DACH2: variants seen among roughly 807,000 people sequenced by gnomAD.
DACH2 encodes dachshund homolog 2.
DACH2 carries 17 observed loss-of-function variants against 35.8 expected under a neutral mutation model. That is an observed-to-expected ratio of 0.48 (90% CI 0.33 to 0.71). The LOEUF is 0.71. Among genes scored for constraint, DACH2 ranks in the 30% least tolerant of loss-of-function variants. The pLI is 0.02. For synonymous variants in DACH2, 195 were observed against 177.3 expected (o/e 1.10, Z -0.79); for missense variants, 469 against 472.7 (o/e 0.99, Z 0.07).
intron 2 of DACH2, among the ~76,000 whole-genome samples, chrX:86,461,870 T>C (rs192392747): frequency 3.0e-4 from 34 of 111,938 alleles, no homozygotes; most frequent in African/African-American, 1.1e-3. Context: ...ATCACAGGCC[T>C]AATTTGCTTT....
chrX:86,453,694 C>T (rs1274898192), intron 2 of DACH2, among the ~76,000 whole-genome samples: 6 of 110,679 alleles, frequency 5.4e-5, no homozygotes, highest in Non-Finnish European at 1.1e-4. Context: ...TTATTTTGAG[C>T]CTGTGTGTGT....
chrX:86,160,579 C>A, intron 1 of DACH2: 1 of 505,102 alleles, frequency 2.0e-6, no homozygotes, highest in South Asian at 2.7e-5. Context: ...CTGGATGGTT[C>A]AGGATGATCA....
chrX:86,175,104 G>A (rs770635883), intron 1 of DACH2, among the ~76,000 whole-genome samples: 33 of 111,847 alleles, frequency 3.0e-4, no homozygotes, highest in Non-Finnish European at 5.8e-4. Flanking sequence ...ATAGAAAAGA[G>A]TAGAGTTTCA....
intron 2 of DACH2, among the ~76,000 whole-genome samples, chrX:86,402,792 G>T (rs182770667): frequency 8.9e-6 from 1 of 111,768 alleles, no homozygotes; most frequent in African/African-American, 3.2e-5. Context: ...GTTCTTTAAG[G>T]CTACAGTAAC....
intron 2 of DACH2, among the ~76,000 whole-genome samples, chrX:86,466,957 A>G (rs2037681756): frequency 9.0e-6 from 1 of 111,502 alleles, no homozygotes; most frequent in Non-Finnish European, 1.9e-5. Flanking sequence ...TTTTCCTCCT[A>G]GGCCTCCAAG....
At chrX:86,194,872 G>A (rs987704438) in intron 1 of DACH2, among the ~76,000 whole-genome samples, 7 of 112,731 alleles carry the variant, frequency 6.2e-5, no homozygotes, top group African/African-American at 9.6e-5. Flanking sequence ...CTGTCAGAGG[G>A]GACCAGGCCG....
At chrX:86,304,285 C>T (rs953161913) in intron 1 of DACH2, 2 of 112,111 alleles carry the variant, frequency 1.8e-5, no homozygotes, top group African/African-American at 6.5e-5. Flanking sequence ...AAAAATGGGA[C>T]CCTGCTTGCC....
chrX:86,614,841 G>A (rs1218147226), intron 3 of DACH2, among the ~76,000 whole-genome samples: 1 of 111,564 alleles, frequency 9.0e-6, no homozygotes, highest in Non-Finnish European at 1.9e-5. Context: ...AGGCATTTTA[G>A]GATGGTTGAA....
At chrX:86,473,732 T>C (rs2037796037) in intron 2 of DACH2, among the ~76,000 whole-genome samples, 1 of 111,572 alleles carries the variant, frequency 9.0e-6, no homozygotes, top group Admixed American at 9.6e-5. Flanking sequence ...TAGTACTCCA[T>C]TGTGTGTAAG....
chrX:86,615,922 C>T (rs1448570050), intron 3 of DACH2, among the ~76,000 whole-genome samples: 1 of 110,694 alleles, frequency 9.0e-6, no homozygotes, highest in African/African-American at 3.3e-5. Context: ...CCTCTCCCTC[C>T]TCCCACACTC....
intron 7 of DACH2, among the ~76,000 whole-genome samples, chrX:86,804,778 G>A (rs146419092): frequency 1.2e-4 from 14 of 112,586 alleles, no homozygotes; most frequent in South Asian, 3.7e-4. Context: ...ACCTAGCAGC[G>A]CAGTCATTAA....
chrX:86,383,919 A>G (rs1016705518), intron 2 of DACH2, among the ~76,000 whole-genome samples: 2 of 111,034 alleles, frequency 1.8e-5, no homozygotes, highest in African/African-American at 6.5e-5. Context: ...TTGCATGTAC[A>G]TTTAATAATG....
At chrX:86,597,394 T>C (rs1245929365) in intron 3 of DACH2, among the ~76,000 whole-genome samples, 1 of 112,151 alleles carries the variant, frequency 8.9e-6, no homozygotes, top group Admixed American at 9.5e-5. Flanking sequence ...CTCAAACTAC[T>C]TTCTAATTTT....
At chrX:86,285,588 C>CT (rs1057419679) in intron 1 of DACH2, among the ~76,000 whole-genome samples, 6 of 111,314 alleles carry the variant, frequency 5.4e-5, no homozygotes, top group East Asian at 2.8e-4. Context: ...AAGATATGGT[C>CT]TTTTTTTTAC....
At chrX:86,221,121 GGA>G (rs1335307209) in intron 1 of DACH2, among the ~76,000 whole-genome samples, 1 of 111,111 alleles carries the variant, frequency 9.0e-6, no homozygotes, top group Non-Finnish European at 1.9e-5. Flanking sequence ...GTTATTTCCA[GGA>G]GATCATTGCC....
chrX:86,764,470 A>C (rs1043520519), intron 7 of DACH2, among the ~76,000 whole-genome samples: 1 of 111,615 alleles, frequency 9.0e-6, no homozygotes, highest in African/African-American at 3.3e-5. Flanking sequence ...ATAAGTGTTA[A>C]CATCGAGTAT....
intron 3 of DACH2, among the ~76,000 whole-genome samples, chrX:86,537,352 C>T (rs1166343182): frequency 9.0e-6 from 1 of 111,300 alleles, no homozygotes; most frequent in Non-Finnish European, 1.9e-5. Flanking sequence ...CTTCCTCTGG[C>T]CTGTGATGGG....
At chrX:86,528,069 G>A (rs1030967666) in intron 3 of DACH2, among the ~76,000 whole-genome samples, 5 of 111,322 alleles carry the variant, frequency 4.5e-5, no homozygotes, top group African/African-American at 1.6e-4. Flanking sequence ...CATATTATCT[G>A]GGGATGATCA....
At chrX:86,583,670 C>T (rs1421816371) in intron 3 of DACH2, among the ~76,000 whole-genome samples, 1 of 107,666 alleles carries the variant, frequency 9.3e-6, no homozygotes, top group African/African-American at 3.4e-5. Flanking sequence ...TAAGACCATA[C>T]GGTTTTTCTT....
Sources: allele counts gnomAD v4.1 joint callset (sites outside exome capture counted in the v4.1 genomes callset), GRCh38; gene constraint gnomAD v4.1.1; transcripts MANE v1.5; gene names NCBI Gene and HGNC (gene_info 2026-07-23, HGNC 2026-07-21).